Variants in KLB observed in about 807,000 individuals in gnomAD.
KLB encodes the protein klotho beta, also known as beta-klotho.
Under a neutral mutation model 88.4 loss-of-function variants are expected in KLB, and 44 were observed. The observed-to-expected ratio is 0.50, with a 90% CI of 0.39 to 0.64. KLB has a LOEUF of 0.64. KLB is among the 30% of genes least tolerant of loss of function. The probability of loss-of-function intolerance (pLI) is 0.00; values close to 1 mark genes in which losing one functional copy is unlikely to be tolerated. For missense variants in KLB, 1,137 were observed against 1,304.8 expected, an observed-to-expected ratio of 0.87 and a Z score of 1.98; for synonymous variants, 548 against 513.4, an observed-to-expected ratio of 1.07 and a Z score of -0.91.
chr4:39,416,694 G>C (rs1742971222), intron 1 of KLB, among the ~76,000 whole-genome samples: 3 of 152,160 alleles, frequency 2.0e-5, no homozygotes, highest in African/African-American at 7.2e-5. Context: ...GCTGAGGTGA[G>C]AGAATTGCTT....
intron 1 of KLB, among the ~76,000 whole-genome samples, chr4:39,420,274 A>AG (rs904973750): frequency 6.6e-6 from 1 of 152,190 alleles, no homozygotes; most frequent in African/African-American, 2.4e-5. Flanking sequence ...GTAAAGGGCC[A>AG]GGGTCTACTG....
At position 39,407,204 on chromosome 4, in the gene KLB, T is replaced by C. The variant is rs1435160634; in HGVS notation, c.255T>C (p.Phe85=). The change falls in exon 1 of 5, where the codon TTT becomes TTC. Residue 85 remains phenylalanine (F), a synonymous_variant. Transcript: ENST00000257408. The stretch of plus-strand genomic sequence containing the variant: ...TCTATGACACTTTCCCTAAAAACTT[T>C]TTCTGGGGTATTGGGACTGGAGCAT... ...LFLYDTFPKN[F]FWGIGTGALQ... The C allele has an allele frequency of 2.5e-6, 4 of 1,614,032 alleles. No individual in the cohort carries two copies. The highest frequency in any genetic ancestry group is 1.3e-5 in the African/African-American group (1 of 74,910).
chr4:39,446,919 G>A lies in KLB; in HGVS notation c.2193G>A (p.Arg731=), dbSNP rs1239675285. 6.2e-7 allele frequency: 1 copy of A among 1,605,308 alleles called. No individual in the cohort carries two copies. Among genetic ancestry groups the A allele is most frequent in the East Asian group, 2.2e-5 (1 of 44,862 alleles). ...LAWRLYDRQF[R]PSQRGAVSLS... The stretch of plus-strand genomic sequence containing the variant: ...GGCGCCTCTACGACCGGCAGTTCAG[G>A]CCCTCACAGCGCGGGGCCGTGTCGC... Residue 731 remains arginine, a synonymous_variant, in exon 4 of 5, where the codon AGG becomes AGA. Transcript: ENST00000257408. The surrounding 1 kb of genome is among the most constrained non-coding windows in gnomAD (Gnocchi z 6.4).
intron 1 of KLB, among the ~76,000 whole-genome samples, chr4:39,420,106 A>G (rs2109825135): frequency 6.6e-6 from 1 of 152,294 alleles, no homozygotes; most frequent in Non-Finnish European, 1.5e-5. Flanking sequence ...AGAAGTAATT[A>G]AAGTAATCCT....
rs140958291 is a variant in KLB at position 39,446,640 on chromosome 4, G to T, written c.1914G>T (p.Met638Ile). Residue 638 changes from methionine to isoleucine, a missense_variant, in exon 4 of 5, where the codon ATG (methionine) becomes ATT (isoleucine). Coordinates refer to ENST00000257408, the MANE Select transcript of KLB (RefSeq NM_175737.4). The surrounding 1 kb of genome is among the most constrained non-coding windows in gnomAD (Gnocchi z 6.4). ...GGCTGAAGCTTGGCATCTCCGCGATGGTCACCCTGTATTATCCGACCCACG... is the reference window on the plus strand; with the variant it reads ...GGCTGAAGCTTGGCATCTCCGCGATTGTCACCCTGTATTATCCGACCCACG... ...SEGLKLGISAMVTLYYPTHAH... is the reference protein window; with the variant it reads ...SEGLKLGISAIVTLYYPTHAH... The T allele has an allele frequency of 2.2e-4, 356 of 1,613,426 alleles. No individual in the cohort carries two copies. Among genetic ancestry groups the T allele is most frequent in the Non-Finnish European group, 2.9e-4 (347 of 1,179,690 alleles).
intron 1 of KLB, among the ~76,000 whole-genome samples, chr4:39,426,439 G>A (rs4975014): frequency 0.03 from 1,253 of 41,806 alleles, 31 homozygotes; most frequent in Middle Eastern, 0.083. Flanking sequence ...AAAAAAAAAA[G>A]GGCCATGAAA....
At chr4:39,419,564 A>G (rs1488852428) in intron 1 of KLB, among the ~76,000 whole-genome samples, 1 of 152,152 alleles carries the variant, frequency 6.6e-6, no homozygotes, top group African/African-American at 2.4e-5. Context: ...ATCTGAGGTC[A>G]GGAGTTCAAC....
intron 4 of KLB, 51 bp downstream of exon 4, chr4:39,447,526 T>G: frequency 7.0e-7 from 1 of 1,429,672 alleles, no homozygotes; most frequent in Non-Finnish European, 9.4e-7. Context: ...TCCTGTTACC[T>G]GACAAGAACA....
rs1283161391 is a variant in KLB at position 39,407,201 on chromosome 4, C to T, written c.252C>T (p.Asn84=). 3 of 1,614,082 alleles carry T rather than the reference C, an allele frequency of 1.9e-6. No homozygotes were observed. Among genetic ancestry groups the T allele is most frequent in the Non-Finnish European group, 2.5e-6 (3 of 1,179,998 alleles). ...TTCTCTATGACACTTTCCCTAAAAACTTTTTCTGGGGTATTGGGACTGGAG... is the reference window on the plus strand; with the variant it reads ...TTCTCTATGACACTTTCCCTAAAAATTTTTTCTGGGGTATTGGGACTGGAG... The part of the protein sequence containing the change: ...QLFLYDTFPK[N]FFWGIGTGAL... The change falls in exon 1 of 5, where the codon AAC becomes AAT. Residue 84 remains asparagine (N), a synonymous_variant. Coordinates refer to ENST00000257408, the MANE Select transcript of KLB (RefSeq NM_175737.4).
rs573828554 is a variant in KLB at position 39,435,749 on chromosome 4, C to A, written c.1336+1029C>A. On this transcript the variant is annotated intron_variant, in intron 2 of 4. Transcript: ENST00000257408. The stretch of plus-strand genomic sequence containing the variant: ...CCATTGTATTGTCCAATGTTGACAG[C>A]ACTTTTTTATGTTATTCCCATGTCC... Among the ~76,000 whole-genome samples, 3 of 152,322 alleles carry A rather than the reference C, an allele frequency of 2.0e-5. No homozygotes were observed. In the South Asian group the frequency reaches 6.2e-4, roughly 32 times the overall value.
At chr4:39,427,783 G>A (rs1414771635) in intron 1 of KLB, among the ~76,000 whole-genome samples, 1 of 152,120 alleles carries the variant, frequency 6.6e-6, no homozygotes, top group Non-Finnish European at 1.5e-5. Context: ...TTTTCACAGG[G>A]TCTTCACAGA....
At position 39,451,121 on chromosome 4, in the gene KLB, AT is replaced by A. The variant is rs1288528721; in HGVS notation, c.*2439del. 2 of 152,192 alleles carry A rather than the reference AT, an allele frequency of 1.3e-5. No individual in the cohort carries two copies. Among genetic ancestry groups the A allele is most frequent in the African/African-American group, 4.8e-5 (2 of 41,450 alleles). The allele number at this position is 152,192 out of a possible 1,614,324, so 9.4% of individuals were successfully genotyped here. A position where few individuals can be genotyped will look rare whatever the true frequency, so the allele number is the denominator to read the frequency against. ...CCTCCTTCTCTGCCACTTGGGCATT[AT>A]TTTACTAGTTTTTAAGCCATCATCG... On this transcript the variant is annotated 3_prime_UTR_variant, in exon 5 of 5. Transcript: ENST00000257408.
rs1217019098 is a variant in KLB, at chr4:39,448,566, C to T, written c.3015C>T (p.Phe1005=). The change falls in exon 5 of 5, where the codon TTC becomes TTT. Residue 1005 remains phenylalanine, a synonymous_variant. Transcript: ENST00000257408. ...TGATATTCCTGGGTTGTTGCTTCTT[C>T]TCCACCCTGGTTCTACTCTTATCAA... is the stretch of plus-strand genomic sequence containing the variant. ...KPLIFLGCCF[F]STLVLLLSIA... is the part of the protein sequence containing the mutation. 3.1e-6 allele frequency: 5 copies of T among 1,614,082 alleles called. No individual in the cohort carries two copies. The highest frequency in any genetic ancestry group is 2.7e-5 in the African/African-American group (2 of 74,940).
chr4:39,443,013 C>A (rs1289060872), intron 3 of KLB, among the ~76,000 whole-genome samples: 2 of 152,112 alleles, frequency 1.3e-5, no homozygotes. Flanking sequence ...AGGACAATCA[C>A]CTCATGGCAT....
chr4:39,406,967 G>C lies in KLB; in HGVS notation c.18G>C (p.Ala6=). The change falls in exon 1 of 5, where the codon GCG becomes GCC. Residue 6 remains alanine (A), a synonymous_variant. Coordinates refer to ENST00000257408, the MANE Select transcript of KLB (RefSeq NM_175737.4). ...GGTGGCAAATGAAGCCAGGCTGTGC[G>C]GCAGGATCTCCAGGGAATGAATGGA... MKPGC[A]AGSPGNEWIF... 3 of 1,610,396 alleles carry C rather than the reference G, an allele frequency of 1.9e-6. No homozygotes were observed. The highest frequency in any genetic ancestry group is 8.5e-7 in the Non-Finnish European group (1 of 1,177,146).
chr4:39,414,734 T>C (rs1476866993), intron 1 of KLB, among the ~76,000 whole-genome samples: 3 of 151,270 alleles, frequency 2.0e-5, no homozygotes, highest in African/African-American at 7.3e-5. Context: ...CCAGGCGCGA[T>C]GGTGGGTGCC....
At chr4:39,427,840 T>C (rs888185210) in intron 1 of KLB, among the ~76,000 whole-genome samples, 11 of 152,312 alleles carry the variant, frequency 7.2e-5, no homozygotes, top group African/African-American at 2.4e-4. Context: ...AGGGTGTTTA[T>C]TTTTAGCTCA....
intron 1 of KLB, among the ~76,000 whole-genome samples, chr4:39,426,341 G>A (rs1335257746): frequency 6.8e-6 from 1 of 146,016 alleles, no homozygotes; most frequent in East Asian, 2.0e-4. Flanking sequence ...CTTGAACCAG[G>A]GAGAAGAAGG....
chr4:39,408,004 T>C (rs534351143), intron 1 of KLB, among the ~76,000 whole-genome samples: 3 of 152,364 alleles, frequency 2.0e-5, no homozygotes, highest in Admixed American at 6.5e-5. Context: ...TTGAGGCTAT[T>C]TTTAAATCTA....
Sources: gnomAD v4.1 joint callset for allele counts (sites outside exome capture counted in the v4.1 genomes callset) on GRCh38, gnomAD v4.1.1 for gene constraint, Gnocchi (gnomAD v3.1) non-coding constraint, MANE v1.5 for transcripts, NCBI Gene and HGNC (gene_info 2026-07-23, HGNC 2026-07-21) for gene names.